Variants in CPQ observed in about 807,000 individuals in gnomAD.
CPQ encodes carboxypeptidase Q, also known as Ser-Met dipeptidase.
In CPQ, 37 loss-of-function variants were observed where a neutral mutation model predicts 45.7. The observed-to-expected ratio is 0.81, with a 90% CI of 0.62 to 1.07. CPQ has a LOEUF of 1.07. Ranked by LOEUF, CPQ falls within the 50% of genes least tolerant of loss-of-function variation. CPQ has a pLI of 0.00. For synonymous variants in CPQ, 186 were observed against 205.8 expected, an observed-to-expected ratio of 0.90 and a Z score of 0.82; for missense variants, 537 against 572.9, an observed-to-expected ratio of 0.94 and a Z score of 0.64.
intron 6 of CPQ, among the ~76,000 whole-genome samples, chr8:97,049,196 A>G (rs1810313014): frequency 6.6e-6 from 1 of 152,220 alleles, no homozygotes; most frequent in Non-Finnish European, 1.5e-5. Flanking sequence ...AGTGGAGTGA[A>G]GTGCTTTTTT....
intron 1 of CPQ, among the ~76,000 whole-genome samples, chr8:96,668,370 T>G (rs990856296): frequency 6.6e-6 from 1 of 152,224 alleles, no homozygotes; most frequent in African/African-American, 2.4e-5. Flanking sequence ...ATTTGCTTTA[T>G]TACATGACCA....
At chr8:96,873,100 G>C (rs1261716227) in intron 3 of CPQ, among the ~76,000 whole-genome samples, 1 of 151,772 alleles carries the variant, frequency 6.6e-6, no homozygotes, top group Non-Finnish European at 1.5e-5. Context: ...ACGTTTTTCT[G>C]ACCCTGTAAT....
chr8:96,785,409 T>C (rs1336868813), intron 2 of CPQ, 79 bp downstream of exon 2: 2 of 1,149,078 alleles, frequency 1.7e-6, no homozygotes, highest in African/African-American at 3.1e-5. Flanking sequence ...ATATGCATGA[T>C]TCATATTATA....
chr8:96,920,223 C>T (rs1222874163), intron 4 of CPQ, among the ~76,000 whole-genome samples: 1 of 152,074 alleles, frequency 6.6e-6, no homozygotes, highest in Non-Finnish European at 1.5e-5. Flanking sequence ...GAACTGGGCA[C>T]AGACAATTCA....
intron 3 of CPQ, among the ~76,000 whole-genome samples, chr8:96,845,690 A>G (rs1227821284): frequency 6.6e-6 from 1 of 152,230 alleles, no homozygotes; most frequent in African/African-American, 2.4e-5. Flanking sequence ...GTGGAAAAAT[A>G]TAAATCTATA....
intron 7 of CPQ, among the ~76,000 whole-genome samples, chr8:97,087,661 C>T (rs949933598): frequency 4.6e-5 from 7 of 152,106 alleles, no homozygotes; most frequent in South Asian, 2.1e-4. Context: ...TTCATTACCT[C>T]GTTCTAATCC....
intron 4 of CPQ, among the ~76,000 whole-genome samples, chr8:96,918,581 T>C (rs1044220203): frequency 4.6e-5 from 7 of 152,100 alleles, no homozygotes; most frequent in Non-Finnish European, 1.0e-4. Flanking sequence ...TCATTGAGTG[T>C]ATTTATGCAT....
chr8:96,745,203 G>A (rs975927500), intron 1 of CPQ, among the ~76,000 whole-genome samples: 7 of 152,144 alleles, frequency 4.6e-5, no homozygotes, highest in East Asian at 1.9e-4. Flanking sequence ...AGCTACTCAG[G>A]AGGCTGAGAC....
At chr8:97,052,749 G>A (rs1810384101) in intron 6 of CPQ, among the ~76,000 whole-genome samples, 2 of 152,082 alleles carry the variant, frequency 1.3e-5, no homozygotes. Flanking sequence ...CAAAATAAGA[G>A]CATCTTATTC....
chr8:97,040,029 C>G (rs1200455997), intron 6 of CPQ, among the ~76,000 whole-genome samples: 2 of 151,686 alleles, frequency 1.3e-5, no homozygotes, highest in African/African-American at 2.4e-5. Flanking sequence ...AATGGTATTT[C>G]TAGTTCTAGA....
chr8:96,738,018 G>A (rs1444730518), intron 1 of CPQ, among the ~76,000 whole-genome samples: 1 of 152,006 alleles, frequency 6.6e-6, no homozygotes, highest in Non-Finnish European at 1.5e-5. Flanking sequence ...ATTTTCTAAT[G>A]TGTAATTTTG....
At chr8:97,033,265 A>G (rs1252958527) in intron 6 of CPQ, among the ~76,000 whole-genome samples, 1 of 152,206 alleles carries the variant, frequency 6.6e-6, no homozygotes, top group East Asian at 1.9e-4. Flanking sequence ...TTAGTGATCT[A>G]TGTCAGGAAT....
chr8:97,051,575 T>G (rs1173391803), intron 6 of CPQ, among the ~76,000 whole-genome samples: 1 of 152,226 alleles, frequency 6.6e-6, no homozygotes. Context: ...ATTCTAAATT[T>G]TACATAGAGG....
chr8:96,926,579 T>TTCCTCTTCC (rs1287436748), intron 4 of CPQ, among the ~76,000 whole-genome samples: 129 of 104,002 alleles, frequency 1.2e-3, no homozygotes, highest in African/African-American at 3.4e-3. Flanking sequence ...CCTCTTCCTC[T>TTCCTCTTCC]TCTTCTTCTT....
chr8:96,701,637 A>C (rs1015878739), intron 1 of CPQ, among the ~76,000 whole-genome samples: 1 of 152,194 alleles, frequency 6.6e-6, no homozygotes, highest in African/African-American at 2.4e-5. Context: ...GATCTGAGGT[A>C]GGACTTCTGC....
intron 1 of CPQ, among the ~76,000 whole-genome samples, chr8:96,687,870 G>GT (rs879912239): frequency 2.5e-4 from 38 of 151,382 alleles, no homozygotes; most frequent in African/African-American, 4.4e-4. Context: ...AACTGTCAAA[G>GT]TTTTTTTTTG....
chr8:96,700,433 T>C (rs1809442232), intron 1 of CPQ, among the ~76,000 whole-genome samples: 2 of 152,038 alleles, frequency 1.3e-5, no homozygotes, highest in Admixed American at 1.3e-4. Context: ...CCCCATTTGG[T>C]GAGAGGGTTG....
intron 5 of CPQ, among the ~76,000 whole-genome samples, chr8:96,984,237 A>AT (rs1813962130): frequency 6.6e-6 from 1 of 152,118 alleles, no homozygotes; most frequent in African/African-American, 2.4e-5. Context: ...TGTTTTAGTT[A>AT]TGCCTTGTTT....
intron 4 of CPQ, among the ~76,000 whole-genome samples, chr8:96,902,161 C>CT (rs1199247409): frequency 4.6e-5 from 7 of 152,064 alleles, no homozygotes; most frequent in African/African-American, 1.7e-4. Context: ...AACCAGGAAT[C>CT]TAATTAGGAG....
Sources: allele counts gnomAD v4.1 joint callset (sites outside exome capture counted in the v4.1 genomes callset), GRCh38; gene constraint gnomAD v4.1.1; transcripts MANE v1.5; gene names NCBI Gene and HGNC (gene_info 2026-07-23, HGNC 2026-07-21).